The following CFAP74 variants were observed in gnomAD, a reference collection of about 807,000 sequenced individuals.
CFAP74 encodes cilia- and flagella-associated protein 74.
CFAP74 carries 124 observed loss-of-function variants against 188.9 expected under a neutral mutation model. The ratio of observed to expected loss-of-function variants is 0.66; its 90% CI spans 0.57 to 0.76. The LOEUF (loss-of-function observed/expected upper bound fraction) is 0.76, where lower values mean the gene tolerates loss of function less well. Among genes scored for constraint, CFAP74 ranks in the 30% least tolerant of loss-of-function variants. The probability of loss-of-function intolerance (pLI) is 0.00; values close to 1 mark genes in which losing one functional copy is unlikely to be tolerated. For synonymous variants in CFAP74, 956 were observed against 916.7 expected, an observed-to-expected ratio of 1.04 and a Z score of -0.77; for missense variants, 2,198 against 2,165.2, an observed-to-expected ratio of 1.02 and a Z score of -0.30.
rs982993314 is a variant in CFAP74 at position 1,942,165 on chromosome 1, G to A, written c.2487-9C>T. 41 of 1,499,900 alleles carry A rather than the reference G, an allele frequency of 2.7e-5. No homozygotes were observed. Among genetic ancestry groups the A allele is most frequent in the South Asian group, 2.5e-4 (20 of 78,638 alleles). The allele number at this position is 1,499,900 out of a possible 1,614,324, so 92.9% of individuals were successfully genotyped here. On this transcript the variant is annotated splice_polypyrimidine_tract_variant and intron_variant, in intron 21 of 38. Transcript: ENST00000682832. This position sits in a 1 kb window ranked among gnomAD's most constrained non-coding sequence, Gnocchi z 4.3. ...GCAGGGCAGCTTTCGACCTGTGGGC[G>A]TGTCGCAGGGCACTGGGTCAGGTGC...
chr1:1,925,789 G>A lies in CFAP74; in HGVS notation c.4098C>T (p.Gly1366=). 2 of 1,611,656 alleles carry A rather than the reference G, an allele frequency of 1.2e-6. No homozygotes were observed. Among genetic ancestry groups the A allele is most frequent in the Admixed American group, 1.7e-5 (1 of 59,930 alleles). Residue 1366 remains glycine (G), a synonymous_variant, in exon 33 of 39, where the codon GGC becomes GGT. Coordinates refer to ENST00000682832, the MANE Select transcript of CFAP74 (RefSeq NM_001304360.2). The stretch of plus-strand genomic sequence containing the variant: ...GGGCCCACGTGTGCTTCACCTTGAA[G>A]CCTGAGGACACAGACTCTCCGGCAA... ...YVIAGESVSS[G]FKLQNNSLLP...
intron 33 of CFAP74, among the ~76,000 whole-genome samples, chr1:1,925,168 ACGCAGGGCAGGGCGAAGGCATGAG>A (rs1360810360): frequency 2.1e-5 from 3 of 140,032 alleles, no homozygotes; most frequent in African/African-American, 8.2e-5. Context: ...GCATGAGGGC[ACGCAGGGCAGGGCGAAGGCATGAG>A]GGCACATGGG....
chr1:1,931,730 T>C, intron 25 of CFAP74, among the ~76,000 whole-genome samples: 1 of 111,330 alleles, frequency 9.0e-6, no homozygotes. Context: ...GAGCAAAGAC[T>C]CTGTCTCTGT....
At chr1:1,985,338 C>A (rs1423861336) in intron 6 of CFAP74, 48 bp downstream of exon 6, 11 of 1,524,818 alleles carry the variant, frequency 7.2e-6, no homozygotes, top group Non-Finnish European at 9.1e-6. Context: ...AGGACTCGCA[C>A]CGTTCTGGGG....
chr1:1,986,034 G>C (rs1657214302), intron 5 of CFAP74, among the ~76,000 whole-genome samples: 1 of 152,192 alleles, frequency 6.6e-6, no homozygotes, highest in Non-Finnish European at 1.5e-5. Flanking sequence ...CAGCTGGCCG[G>C]GTATGGCAGT....
chr1:1,972,962 G>A lies in CFAP74; in HGVS notation c.760C>T (p.Arg254Trp), dbSNP rs201079921. 2.5e-4 allele frequency: 398 copies of A among 1,613,820 alleles called. 3 individuals carry two copies. The African/African-American group carries it at 2.6e-3, about 10-fold the overall frequency. Residue 254 changes from arginine to tryptophan, a missense_variant, in exon 8 of 39, where the codon CGG becomes TGG. Physicochemically the swap from Arg to Trp is moderately radical, Grantham distance 101. Transcript: ENST00000682832. ...DARKNHKVAV[R>W]FLKASLGRIR... is the part of the protein sequence containing the mutation. Reference sequence around the variant, plus strand: ...CTTCCCAGGGAGGCCTTCAGGAACCGCACGGCAACCTTGTGGTTCTTCCGG... The same window carrying A: ...CTTCCCAGGGAGGCCTTCAGGAACCACACGGCAACCTTGTGGTTCTTCCGG...
At chr1:2,001,947 G>A (rs955885592) in intron 1 of CFAP74, among the ~76,000 whole-genome samples, 2 of 152,196 alleles carry the variant, frequency 1.3e-5, no homozygotes, top group African/African-American at 4.8e-5. Flanking sequence ...TGGACTGAAG[G>A]GGAATAAAGA....
chr1:1,923,775 C>T lies in CFAP74; in HGVS notation c.4389G>A (p.Lys1463=). The T allele has an allele frequency of 6.2e-7, 1 of 1,613,334 alleles. No homozygotes were observed. The highest frequency in any genetic ancestry group is 8.5e-7 in the Non-Finnish European group (1 of 1,179,856). Reference sequence around the variant, plus strand: ...TGAGCTTGCAGAGCCAGAGCCGCACCTTTTCAAAGAGCACCACCTGGAGCT... The same window carrying T: ...TGAGCTTGCAGAGCCAGAGCCGCACTTTTTCAAAGAGCACCACCTGGAGCT... ...SDKLQVVLFE[K]KISHQILLKG... is the part of the protein sequence containing the mutation. Residue 1463 remains lysine (K), a splice_region_variant and synonymous_variant, in exon 35 of 39, where the codon AAG becomes AAA. Transcript: ENST00000682832. This position sits in a 1 kb window ranked among gnomAD's most constrained non-coding sequence, Gnocchi z 6.3.
rs1448818314 is a variant in CFAP74 at position 1,926,469 on chromosome 1, G to T, written c.3816C>A (p.Pro1272=). ...IKKISIQNVS[P]EDLALDFSLL... ...TGGACAAGGACACGGCCAGATCCTC[G>T]GGAGAGACGTTCTGGATGGAGATCT... Residue 1272 remains proline, a synonymous_variant, in exon 31 of 39, where the codon CCC becomes CCA. Transcript: ENST00000682832. 1 of 1,550,238 alleles carries T rather than the reference G, an allele frequency of 6.5e-7. No homozygotes were observed. The highest frequency in any genetic ancestry group is 8.7e-7 in the Non-Finnish European group (1 of 1,146,922).
At chr1:1,958,515 T>C (rs1044445863) in intron 16 of CFAP74, among the ~76,000 whole-genome samples, 1 of 152,214 alleles carries the variant, frequency 6.6e-6, no homozygotes, top group Non-Finnish European at 1.5e-5. Context: ...CGGTGCGAGC[T>C]GACCAATTAC....
intron 14 of CFAP74, among the ~76,000 whole-genome samples, chr1:1,962,505 A>T (rs1352711698): frequency 6.6e-6 from 1 of 151,712 alleles, no homozygotes. Flanking sequence ...GTAAGTTACT[A>T]AGGAGCAGAA....
rs781672001 is a variant in CFAP74 at position 1,924,378 on chromosome 1, A to ACC, written c.4234+11_4234+12dup. 4.3e-4 allele frequency: 35 copies of ACC among 81,646 alleles called. 1 individual carries two copies. The African/African-American group carries it at 0.021, about 48-fold the overall frequency. 5.1% of individuals were successfully genotyped at this position (81,646 alleles called of 1,614,324 possible). On this transcript the variant is annotated intron_variant, in intron 34 of 38. Coordinates refer to ENST00000682832, the MANE Select transcript of CFAP74 (RefSeq NM_001304360.2). ...CCCCGCAGCTCACCACCCACCCCCCACCCCCCGCTCACCGACCACCTCCGT... is the reference window on the plus strand; with the variant it reads ...CCCCGCAGCTCACCACCCACCCCCCACCCCCCCCGCTCACCGACCACCTCCGT...
At chr1:1,987,171 C>T (rs1657294412) in intron 4 of CFAP74, 136 bp from the exon 5 acceptor site, 1 of 637,986 alleles carries the variant, frequency 1.6e-6, no homozygotes, top group African/African-American at 1.8e-5. Context: ...AGGGGTCTCT[C>T]TAACACCTTC....
chr1:1,991,875 T>TA lies in CFAP74; in HGVS notation c.-19-901dup, dbSNP rs570298372. Among the ~76,000 whole-genome samples, 823 of 151,070 alleles carry TA rather than the reference T, an allele frequency of 5.4e-3. 14 individuals are homozygous for TA. The highest frequency in any genetic ancestry group is 0.019 in the African/African-American group (788 of 41,124). ...TAGCACAGTGAAACCCCATCTCTAC[T>TA]AAAAAACAGAAAAAATTAGCCGGGC... On this transcript the variant is annotated intron_variant, in intron 1 of 38. Coordinates refer to ENST00000682832, the MANE Select transcript of CFAP74 (RefSeq NM_001304360.2).
Position 1,970,656 on chromosome 1 carries a change from C to T in CFAP74, c.1046+3G>A, listed in dbSNP as rs1158639757. On this transcript the variant is annotated splice_donor_region_variant and intron_variant, in intron 10 of 38. Coordinates refer to ENST00000682832, the MANE Select transcript of CFAP74 (RefSeq NM_001304360.2). ...CCGGTGGCACCTCTGCCACCACCCT[C>T]ACCTCTTCTGGGCCTCCAGCTCCTG... 3 of 1,603,444 alleles carry T rather than the reference C, an allele frequency of 1.9e-6. No individual in the cohort carries two copies. Among genetic ancestry groups the T allele is most frequent in the Admixed American group, 1.7e-5 (1 of 57,784 alleles).
At position 1,955,035 on chromosome 1, in the gene CFAP74, C is replaced by T. The variant is rs9777884; in HGVS notation, c.2176+656G>A. ...GTGAGGACAGGAAGTGCGGCTCACA[C>T]CGGAAGTGCGGCTCACACCGGAAGT... On this transcript the variant is annotated intron_variant, in intron 18 of 38. Coordinates refer to ENST00000682832, the MANE Select transcript of CFAP74 (RefSeq NM_001304360.2). 1.6e-4 allele frequency: 181 copies of T among 1,144,262 alleles called. No homozygotes were observed. The African/African-American group carries it at 4.9e-3, about 31-fold the overall frequency. 70.9% of individuals were successfully genotyped at this position (1,144,262 alleles called of 1,614,324 possible). A position where few individuals can be genotyped will look rare whatever the true frequency, so the allele number is the denominator to read the frequency against.
intron 1 of CFAP74, among the ~76,000 whole-genome samples, chr1:1,995,902 C>T (rs1297794531): frequency 1.3e-5 from 2 of 151,912 alleles, no homozygotes; most frequent in Admixed American, 6.6e-5. Context: ...AGCGAGACTC[C>T]GTCTCAAACA....
chr1:1,989,647 G>C (rs1314309620), intron 2 of CFAP74, among the ~76,000 whole-genome samples: 3 of 152,218 alleles, frequency 2.0e-5, no homozygotes, highest in Admixed American at 6.5e-5. Context: ...TTTTAGTAGA[G>C]AGAGGGTTTC....
At chr1:1,964,806 T>G in intron 13 of CFAP74, 82 bp downstream of exon 13, 1 of 1,482,588 alleles carries the variant, frequency 6.7e-7, no homozygotes, top group East Asian at 2.3e-5. Context: ...AAGCAAAAGG[T>G]GTCAGGGGTT....
Sources: allele counts gnomAD v4.1 joint callset (sites outside exome capture counted in the v4.1 genomes callset), GRCh38; gene constraint gnomAD v4.1.1; non-coding constraint Gnocchi (gnomAD v3.1); transcripts MANE v1.5; gene names NCBI Gene and HGNC (gene_info 2026-07-23, HGNC 2026-07-21).